Variants in TNS1 observed in about 807,000 individuals in gnomAD.
TNS1 encodes tensin-1.
TNS1 carries 62 observed loss-of-function variants against 168.6 expected under a neutral mutation model. The ratio of observed to expected loss-of-function variants is 0.37; its 90% CI spans 0.30 to 0.45. TNS1 has a LOEUF of 0.45. Among genes scored for constraint, TNS1 ranks in the 20% least tolerant of loss-of-function variants. The pLI, the probability that TNS1 is intolerant of heterozygous loss-of-function variation, is 1.00. For synonymous variants in TNS1, 934 were observed against 933.2 expected (o/e 1.00, Z -0.02); for missense variants, 2,240 against 2,339.4 (o/e 0.96, Z 0.88).
At chr2:217,900,956 T>C (rs188709726) in intron 6 of TNS1, among the ~76,000 whole-genome samples, 1 of 152,246 alleles carries the variant, frequency 6.6e-6, no homozygotes, top group East Asian at 1.9e-4. Flanking sequence ...CCCACACTTC[T>C]CTGCTTGAAA....
intron 22 of TNS1, among the ~76,000 whole-genome samples, chr2:217,828,128 G>A (rs1275936943): frequency 6.6e-6 from 1 of 152,212 alleles, no homozygotes; most frequent in Non-Finnish European, 1.5e-5. Context: ...TCCAGCTTGG[G>A]AGAAAGCCCT....
chr2:217,906,663 A>G (rs1354575873), intron 5 of TNS1, among the ~76,000 whole-genome samples: 3 of 152,192 alleles, frequency 2.0e-5, no homozygotes, highest in Non-Finnish European at 4.4e-5. Flanking sequence ...CCTTGCCCAC[A>G]GTCACATAAT....
At chr2:218,009,043 T>C (rs1958683520) in intron 1 of TNS1, among the ~76,000 whole-genome samples, 1 of 152,238 alleles carries the variant, frequency 6.6e-6, no homozygotes, top group African/African-American at 2.4e-5. Context: ...AGGCAGATCC[T>C]GTAACTAGCC....
chr2:217,908,417 C>G (rs1276947724), intron 4 of TNS1, among the ~76,000 whole-genome samples: 1 of 152,176 alleles, frequency 6.6e-6, no homozygotes, highest in Non-Finnish European at 1.5e-5. Flanking sequence ...CTGAGCACAA[C>G]TGGAATGGTT....
rs757667405 is a variant in TNS1 at position 218,033,389 on chromosome 2, G to T, written c.156+431C>A. 6.6e-6 allele frequency among the ~76,000 whole-genome samples: 1 copy of T among 152,256 alleles called. No individual in the cohort carries two copies. The highest frequency in any genetic ancestry group is 2.1e-4 in the South Asian group (1 of 4,830). On this transcript the variant is annotated intron_variant, in intron 1 of 1. Coordinates refer to the TNS1 transcript ENST00000649572. This position sits in a 1 kb window ranked among gnomAD's most constrained non-coding sequence, Gnocchi z 4.3. ...TCCCCACCATCCTGGGGAAGTCCTT[G>T]CTCCAGTGGGGCCCCCACCCTCCTA...
intron 3 of TNS1, among the ~76,000 whole-genome samples, chr2:217,939,579 T>C (rs1956805468): frequency 6.6e-6 from 1 of 152,170 alleles, no homozygotes; most frequent in Admixed American, 6.5e-5. Flanking sequence ...CTGGGGGAAA[T>C]GGACCCAGGT....
In TNS1 at chr2:217,954,977, T is replaced by TACAC. The variant is rs369665264; in HGVS notation, c.186+23784_186+23787dup. Among the ~76,000 whole-genome samples, 34 of 150,454 alleles carry TACAC rather than the reference T, an allele frequency of 2.3e-4. No individual in the cohort carries two copies. In the East Asian group the frequency reaches 3.5e-3, roughly 16 times the overall value. On this transcript the variant is annotated intron_variant, in intron 3 of 32. Transcript: ENST00000682258. ...ATCCATGCACACACTTCCGTGAATG[T>TACAC]ACACACACACACACACAGGCACACT...
At chr2:217,882,202 C>T (rs1434567054) in intron 17 of TNS1, 144 bp downstream of exon 17, 1 of 616,874 alleles carries the variant, frequency 1.6e-6, no homozygotes, top group Non-Finnish European at 2.9e-6. Flanking sequence ...TAGGGGTCCA[C>T]TCTGAAACCC....
At chr2:217,893,403 C>CAT (rs1951950055) in intron 10 of TNS1, 36 bp downstream of exon 10, 1 of 1,166,624 alleles carries the variant, frequency 8.6e-7, no homozygotes, top group Non-Finnish European at 1.2e-6. Context: ...CGCGCGCGCA[C>CAT]ACACACACAC....
chr2:217,846,564 CCA>C (rs948244304), intron 19 of TNS1, among the ~76,000 whole-genome samples: 5 of 152,328 alleles, frequency 3.3e-5, no homozygotes, highest in Non-Finnish European at 5.9e-5. Context: ...CCACCCAAAT[CCA>C]CAGTCTCTGG....
chr2:217,829,728 G>C, intron 22 of TNS1: 1 of 1,198,512 alleles, frequency 8.3e-7, no homozygotes, highest in Non-Finnish European at 1.2e-6. Flanking sequence ...CCATGTGCCT[G>C]GTCGCCTGAG....
chr2:217,937,169 ACT>A, intron 3 of TNS1: 1 of 371,786 alleles, frequency 2.7e-6, no homozygotes, highest in Admixed American at 2.8e-5. Flanking sequence ...TTGCAGCAAC[ACT>A]CTGTCTACTC....
At chr2:217,895,350 C>G (rs564052836) in intron 8 of TNS1, among the ~76,000 whole-genome samples, 3 of 152,128 alleles carry the variant, frequency 2.0e-5, no homozygotes, top group Non-Finnish European at 4.4e-5. Flanking sequence ...CACACCGTCA[C>G]GAAGAGGAAC....
intron 18 of TNS1, among the ~76,000 whole-genome samples, chr2:217,855,422 G>A (rs1948013984): frequency 6.6e-6 from 1 of 152,200 alleles, no homozygotes; most frequent in Admixed American, 6.5e-5. Context: ...TCCAGACTCA[G>A]GTAAACCTCT....
At chr2:217,883,769 G>A (rs1950903712) in intron 16 of TNS1, among the ~76,000 whole-genome samples, 1 of 152,164 alleles carries the variant, frequency 6.6e-6, no homozygotes. Flanking sequence ...TGGCTCCAGT[G>A]CAAGGAGAGC....
chr2:217,907,255 T>C lies in TNS1; in HGVS notation c.229-4A>G. On this transcript the variant is annotated splice_polypyrimidine_tract_variant and splice_region_variant and intron_variant, in intron 4 of 32. Coordinates refer to ENST00000682258, the MANE Select transcript of TNS1 (RefSeq NM_001387777.1). ...GTGCATTCTCAGTGGTGATGGGCTG[T>C]GGACAGAAGGAGAAACAGCATGAGC... The C allele has an allele frequency of 2.8e-6, 2 of 703,014 alleles. No individual in the cohort carries two copies. The highest frequency in any genetic ancestry group is 5.4e-5 in the East Asian group (2 of 37,284). The allele number at this position is 703,014 out of a possible 1,614,324, so 43.5% of individuals were successfully genotyped here.
chr2:217,999,699 A>T (rs1958529014), intron 1 of TNS1, among the ~76,000 whole-genome samples: 1 of 152,250 alleles, frequency 6.6e-6, no homozygotes, highest in Non-Finnish European at 1.5e-5. Flanking sequence ...AGTCAGATTG[A>T]TGTCTGCATG....
intron 3 of TNS1, among the ~76,000 whole-genome samples, chr2:217,933,464 C>T (rs1956432470): frequency 6.6e-6 from 1 of 152,190 alleles, no homozygotes; most frequent in Non-Finnish European, 1.5e-5. Context: ...TTGGGCCCCA[C>T]CCCAACCAGA....
chr2:217,876,784 G>A (rs575122213), intron 18 of TNS1, among the ~76,000 whole-genome samples: 46 of 152,062 alleles, frequency 3.0e-4, no homozygotes, highest in Admixed American at 5.2e-4. Flanking sequence ...GGAAGATGAT[G>A]TGAAGATACA....
Sources: allele counts gnomAD v4.1 joint callset (sites outside exome capture counted in the v4.1 genomes callset), GRCh38; gene constraint gnomAD v4.1.1; non-coding constraint Gnocchi (gnomAD v3.1); transcripts MANE v1.5; gene names NCBI Gene and HGNC (gene_info 2026-07-23, HGNC 2026-07-21).